The following ASAP2 variants were observed in gnomAD, a reference collection of about 807,000 sequenced individuals.
ASAP2 encodes the protein arf-GAP with SH3 domain, ANK repeat and PH domain-containing protein 2.
In ASAP2, 45 loss-of-function variants were observed where a neutral mutation model predicts 131.4. That is an observed-to-expected ratio of 0.34 (90% CI 0.27 to 0.44). The LOEUF (loss-of-function observed/expected upper bound fraction) is 0.44, where lower values mean the gene tolerates loss of function less well. Among genes scored for constraint, ASAP2 ranks in the 20% least tolerant of loss-of-function variants. ASAP2 has a pLI of 1.00. For missense variants in ASAP2, 1,011 were observed against 1,297.0 expected (o/e 0.78, Z 3.39); for synonymous variants, 510 against 503.0 (o/e 1.01, Z -0.19).
chr2:9,301,818 A>ATTTTTTT (rs1558310253), intron 3 of ASAP2, among the ~76,000 whole-genome samples: 1 of 127,354 alleles, frequency 7.9e-6, no homozygotes, highest in African/African-American at 3.0e-5. Context: ...TGTATCCATC[A>ATTTTTTT]TCTTTTTTTT....
intron 3 of ASAP2, among the ~76,000 whole-genome samples, chr2:9,316,989 ACT>A (rs1035426361): frequency 8.3e-5 from 10 of 121,180 alleles, no homozygotes; most frequent in South Asian, 2.8e-4. Flanking sequence ...TCTCATGTCC[ACT>A]CTCATACACT....
intron 12 of ASAP2, among the ~76,000 whole-genome samples, chr2:9,353,239 C>T (rs1344271969): frequency 6.6e-6 from 1 of 152,094 alleles, no homozygotes; most frequent in Non-Finnish European, 1.5e-5. Context: ...ATGAGTATCA[C>T]CAAGATGCTT....
chr2:9,287,691 G>A (rs1395888323), intron 2 of ASAP2, among the ~76,000 whole-genome samples: 1 of 152,220 alleles, frequency 6.6e-6, no homozygotes, highest in Admixed American at 6.5e-5. Context: ...CTCTGTCTCT[G>A]AGGAAGTTAT....
chr2:9,263,758 T>G (rs866326540), intron 1 of ASAP2, among the ~76,000 whole-genome samples: 73 of 152,202 alleles, frequency 4.8e-4, no homozygotes, highest in African/African-American at 1.6e-3. Flanking sequence ...CTTTTCTCAC[T>G]TATCTGTTCA....
chr2:9,333,449 C>T (rs891060894), intron 7 of ASAP2, among the ~76,000 whole-genome samples: 3 of 152,222 alleles, frequency 2.0e-5, no homozygotes, highest in Non-Finnish European at 2.9e-5. Context: ...AGGGGAATAA[C>T]TTGTAGGGGA....
At chr2:9,338,361 C>G (rs1241433901) in intron 9 of ASAP2, among the ~76,000 whole-genome samples, 1 of 152,160 alleles carries the variant, frequency 6.6e-6, no homozygotes, top group Non-Finnish European at 1.5e-5. Context: ...CTCTCTCTCT[C>G]TCTTTCTCTT....
chr2:9,312,309 CCG>C (rs1669353791), intron 3 of ASAP2, among the ~76,000 whole-genome samples: 1 of 152,114 alleles, frequency 6.6e-6, no homozygotes, highest in African/African-American at 2.4e-5. Context: ...AAGAGAAAAA[CCG>C]TGAATGAAAC....
rs200363543 is a variant in ASAP2, at chr2:9,350,885, C to G, written c.1101C>G (p.Asp367Glu). The G allele has an allele frequency of 3.7e-6, 6 of 1,611,764 alleles. No individual in the cohort carries two copies. In the East Asian group the frequency reaches 1.3e-4, roughly 36 times the overall value. ...ACCCTGAGGAGAAGAAGTGCTTTGA[C>G]CTCATTTCACGTAAGGCTCCCTCTG... ...KTNPEEKKCF[D>E]LISHDRTYHF... Residue 367 changes from aspartate to glutamate, a missense_variant, in exon 12 of 28, where the codon GAC becomes GAG. By Grantham distance (45) the Asp-to-Glu change is conservative. This residue lies in a region of ASAP2 where 359 missense variants were observed against 598.1 expected (regional missense o/e 0.60). Coordinates refer to ENST00000281419, the MANE Select transcript of ASAP2 (RefSeq NM_003887.3).
At chr2:9,266,783 A>G (rs1665975554) in intron 1 of ASAP2, among the ~76,000 whole-genome samples, 1 of 152,236 alleles carries the variant, frequency 6.6e-6, no homozygotes, top group Non-Finnish European at 1.5e-5. Flanking sequence ...TAAGTAGTTT[A>G]GTAAGATTGC....
At chr2:9,257,858 A>G (rs747756983) in intron 1 of ASAP2, among the ~76,000 whole-genome samples, 1 of 152,178 alleles carries the variant, frequency 6.6e-6, no homozygotes, top group Admixed American at 6.5e-5. Flanking sequence ...AGAGAATACA[A>G]AGGTGGCATT....
intron 22 of ASAP2, among the ~76,000 whole-genome samples, chr2:9,390,025 G>A (rs941695094): frequency 1.3e-5 from 2 of 152,210 alleles, no homozygotes; most frequent in African/African-American, 4.8e-5. Flanking sequence ...TGTGTCACGG[G>A]AGGAAAGATT....
chr2:9,256,063 A>G (rs901834092), intron 1 of ASAP2, among the ~76,000 whole-genome samples: 1 of 151,564 alleles, frequency 6.6e-6, no homozygotes, highest in African/African-American at 2.4e-5. Context: ...AAGTTGTAGA[A>G]TGACCAGTGC....
Position 9,207,233 on chromosome 2 carries a change from G to T in ASAP2, c.126+3G>T. On this transcript the variant is annotated splice_donor_region_variant and intron_variant, in intron 1 of 27. Coordinates refer to ENST00000281419, the MANE Select transcript of ASAP2 (RefSeq NM_003887.3). The surrounding 1 kb of genome is among the most constrained non-coding windows in gnomAD (Gnocchi z 4.1). The stretch of plus-strand genomic sequence containing the variant: ...ACACTGTGGCGGCCATCGAGGAGGT[G>T]AGGCGGCCTGCGCGGCGGCTCCGGC... The T allele has an allele frequency of 6.3e-7, 1 of 1,576,546 alleles. No homozygotes were observed. Among genetic ancestry groups the T allele is most frequent in the Non-Finnish European group, 8.6e-7 (1 of 1,164,614 alleles).
intron 1 of ASAP2, among the ~76,000 whole-genome samples, chr2:9,220,572 T>G (rs977111949): frequency 2.6e-5 from 4 of 152,234 alleles, no homozygotes; most frequent in Non-Finnish European, 5.9e-5. Context: ...TATTTGTCTT[T>G]TTATTGTTGA....
intron 3 of ASAP2, among the ~76,000 whole-genome samples, chr2:9,316,999 A>T (rs1303372826): frequency 6.5e-5 from 9 of 138,058 alleles, no homozygotes; most frequent in African/African-American, 2.2e-4. Context: ...ACTCTCATAC[A>T]CTCTCACAAC....
chr2:9,367,294 A>G (rs1673554791), intron 15 of ASAP2, among the ~76,000 whole-genome samples: 1 of 151,626 alleles, frequency 6.6e-6, no homozygotes, highest in Non-Finnish European at 1.5e-5. Flanking sequence ...CGGCCTCCCA[A>G]AGTGGTAGGA....
intron 1 of ASAP2, among the ~76,000 whole-genome samples, chr2:9,233,950 A>T (rs1663353800): frequency 6.6e-6 from 1 of 151,942 alleles, no homozygotes; most frequent in South Asian, 2.1e-4. Flanking sequence ...ATCTTTACTA[A>T]AAATATAAAA....
intron 1 of ASAP2, among the ~76,000 whole-genome samples, chr2:9,236,185 CCT>C (rs956769286): frequency 2.0e-5 from 3 of 151,820 alleles, no homozygotes; most frequent in Non-Finnish European, 4.4e-5. Context: ...CTTTGGGGCC[CCT>C]GTTTCCTGCT....
At position 9,216,847 on chromosome 2, in the gene ASAP2, C is replaced by T. The variant is rs145970075; in HGVS notation, c.126+9617C>T. ...CTCCTGGACTCAAGTGATCCTCCTG[C>T]CTTGCCCTCCCAAAGTGCTGGTATT... On this transcript the variant is annotated intron_variant, in intron 1 of 27. Coordinates refer to ENST00000281419, the MANE Select transcript of ASAP2 (RefSeq NM_003887.3). 2.2e-3 allele frequency among the ~76,000 whole-genome samples: 334 copies of T among 152,194 alleles called. 7 individuals carry two copies. The East Asian group carries it at 0.026, about 12-fold the overall frequency.
Sources: allele counts gnomAD v4.1 joint callset (sites outside exome capture counted in the v4.1 genomes callset), GRCh38; gene constraint gnomAD v4.1.1; regional missense constraint gnomAD v4.1.1; non-coding constraint Gnocchi (gnomAD v3.1); transcripts MANE v1.5; gene names NCBI Gene and HGNC (gene_info 2026-07-23, HGNC 2026-07-21).